The following NFIL3 variants were observed in gnomAD, a reference collection of about 807,000 sequenced individuals.
NFIL3 encodes nuclear factor interleukin-3-regulated protein.
In NFIL3, 5 loss-of-function variants were observed where a neutral mutation model predicts 10.0. The observed-to-expected ratio is 0.50, with a 90% CI of 0.26 to 1.06. The LOEUF (loss-of-function observed/expected upper bound fraction) is 1.06. Ranked by LOEUF, NFIL3 falls within the 50% of genes least tolerant of loss-of-function variation. The pLI is 0.13. For missense variants in NFIL3, 436 were observed against 547.6 expected (o/e 0.80, Z 2.03); for synonymous variants, 202 against 206.5 (o/e 0.98, Z 0.19).
chr9:91,431,159 C>T, the NFIL3 span, among the ~76,000 whole-genome samples: 1 of 152,164 alleles, frequency 6.6e-6, no homozygotes, highest in Non-Finnish European at 1.5e-5. Context: ...CAAAACCAAC[C>T]AGTACGTTAT....
the NFIL3 span, among the ~76,000 whole-genome samples, chr9:91,435,390 AT>A: frequency 6.6e-6 from 1 of 152,220 alleles, no homozygotes; most frequent in Non-Finnish European, 1.5e-5. Flanking sequence ...TCACCATCAA[AT>A]TTTATCTTAA....
At chr9:91,454,908 A>G in the NFIL3 span, among the ~76,000 whole-genome samples, 295 of 152,350 alleles carry the variant, frequency 1.9e-3, no homozygotes, top group Non-Finnish European at 3.6e-3. Context: ...TCATTTTTCT[A>G]ATGAATTCCA....
the NFIL3 span, among the ~76,000 whole-genome samples, chr9:91,474,911 C>T: frequency 6.6e-6 from 1 of 152,178 alleles, no homozygotes; most frequent in Non-Finnish European, 1.5e-5. Context: ...AGACAAAGTC[C>T]TGCCTATATA....
At chr9:91,424,083 G>A (rs1833832164), upstream of NFIL3, among the ~76,000 whole-genome samples, 1 of 150,918 alleles carries the variant, frequency 6.6e-6, no homozygotes. Flanking sequence ...GAGCGCCCGC[G>A]AGGGCTGGCG....
the NFIL3 span, among the ~76,000 whole-genome samples, chr9:91,476,570 CT>C: frequency 4.8e-5 from 7 of 145,418 alleles, no homozygotes; most frequent in Non-Finnish European, 9.0e-5. Flanking sequence ...AAGAATCCGT[CT>C]AAAAAAAAAA....
chr9:91,421,017 T>C (rs973993557), intron 1 of NFIL3, among the ~76,000 whole-genome samples: 8 of 152,062 alleles, frequency 5.3e-5, no homozygotes, highest in Admixed American at 2.6e-4. Context: ...GGTGGACGTT[T>C]GGAGGTTTTT....
chr9:91,414,294 A>G (rs1833611651), intron 1 of NFIL3, among the ~76,000 whole-genome samples: 1 of 152,114 alleles, frequency 6.6e-6, no homozygotes, highest in Admixed American at 6.6e-5. Context: ...ACCTCTGCCT[A>G]CAGGGTCCAA....
At chr9:91,439,665 T>C in the NFIL3 span, among the ~76,000 whole-genome samples, 1 of 152,102 alleles carries the variant, frequency 6.6e-6, no homozygotes, top group Admixed American at 6.5e-5. Flanking sequence ...AAAATCTTTA[T>C]TATGTGTGAG....
At chr9:91,469,696 A>G in the NFIL3 span, among the ~76,000 whole-genome samples, 1 of 152,174 alleles carries the variant, frequency 6.6e-6, no homozygotes, top group African/African-American at 2.4e-5. Context: ...TTATTTTGAG[A>G]TACATCCCAT....
rs776499326 is a variant in NFIL3 at position 91,409,812 on chromosome 9, A to C, written c.923T>G (p.Val308Gly). ...PIHSPVELKH[V>G]HATVVKVPEV... ...TGGAACTTTAACCACAGTTGCATGC[A>C]CATGCTTGAGTTCAACTGGAGAATG... Residue 308 changes from valine (V) to glycine (G), a missense_variant, in exon 2 of 2, where the codon GTG becomes GGG. By Grantham distance (109) the Val-to-Gly change is moderately radical. Transcript: ENST00000297689. 6 of 1,614,176 alleles carry C rather than the reference A, an allele frequency of 3.7e-6. No homozygotes were observed. The South Asian group carries it at 6.6e-5, about 18-fold the overall frequency.
At chr9:91,418,879 A>C (rs1833707738) in intron 1 of NFIL3, among the ~76,000 whole-genome samples, 1 of 151,828 alleles carries the variant, frequency 6.6e-6, no homozygotes. Context: ...TAACTACAGT[A>C]AAGTTACTTA....
At chr9:91,412,039 T>C (rs1055364567) in intron 1 of NFIL3, among the ~76,000 whole-genome samples, 7 of 140,968 alleles carry the variant, frequency 5.0e-5, no homozygotes, top group African/African-American at 8.2e-5. Flanking sequence ...GAGGCAGAGA[T>C]TGCAGTGAGC....
At chr9:91,481,701 A>G in the NFIL3 span, among the ~76,000 whole-genome samples, 1 of 152,210 alleles carries the variant, frequency 6.6e-6, no homozygotes, top group African/African-American at 2.4e-5. Context: ...GTATTTTAAA[A>G]TATTATGGCA....
chr9:91,453,713 A>C, the NFIL3 span, among the ~76,000 whole-genome samples: 1 of 152,058 alleles, frequency 6.6e-6, no homozygotes, highest in Admixed American at 6.5e-5. Flanking sequence ...AAAACATGGG[A>C]ATAGGGTGCA....
At chr9:91,431,302 A>G in the NFIL3 span, among the ~76,000 whole-genome samples, 1 of 152,174 alleles carries the variant, frequency 6.6e-6, no homozygotes, top group Non-Finnish European at 1.5e-5. Context: ...GGCCATGGGT[A>G]AGTCACGTGA....
the NFIL3 span, among the ~76,000 whole-genome samples, chr9:91,471,876 G>A: frequency 6.6e-6 from 1 of 152,154 alleles, no homozygotes; most frequent in Non-Finnish European, 1.5e-5. Flanking sequence ...GCTTCCTTCA[G>A]GAGCTCTTGT....
chr9:91,452,524 C>T, the NFIL3 span, among the ~76,000 whole-genome samples: 7 of 152,140 alleles, frequency 4.6e-5, no homozygotes, highest in Admixed American at 3.3e-4. Context: ...CCTGTAATCC[C>T]TGCACTTTGG....
the NFIL3 span, among the ~76,000 whole-genome samples, chr9:91,430,659 T>C: frequency 6.6e-6 from 1 of 151,858 alleles, no homozygotes; most frequent in African/African-American, 2.4e-5. Context: ...TTAAAAAAAA[T>C]GTTTGGTACA....
intron 1 of NFIL3, among the ~76,000 whole-genome samples, chr9:91,417,856 G>C (rs533549644): frequency 6.6e-6 from 1 of 152,166 alleles, no homozygotes; most frequent in East Asian, 1.9e-4. Flanking sequence ...TTCTATCATA[G>C]CAACAAATTG....
Sources: gnomAD v4.1 joint callset for allele counts (sites outside exome capture counted in the v4.1 genomes callset) on GRCh38, gnomAD v4.1.1 for gene constraint, MANE v1.5 for transcripts, NCBI Gene and HGNC (gene_info 2026-07-23, HGNC 2026-07-21) for gene names.